UBR1: variants seen among roughly 807,000 people sequenced by gnomAD.
The protein encoded by UBR1 is ubiquitin protein ligase E3 component n-recognin 1.
In UBR1, 102 loss-of-function variants were observed where a neutral mutation model predicts 242.1. That is an observed-to-expected ratio of 0.42 (90% CI 0.36 to 0.50). The LOEUF (loss-of-function observed/expected upper bound fraction) is 0.50. UBR1 is among the 20% of genes least tolerant of loss of function. The pLI, the probability that UBR1 is intolerant of heterozygous loss-of-function variation, is 0.01. For synonymous variants in UBR1, 675 were observed against 684.8 expected (o/e 0.99, Z 0.22); for missense variants, 1,772 against 2,101.8 (o/e 0.84, Z 3.07).
intron 38 of UBR1, among the ~76,000 whole-genome samples, chr15:42,977,409 C>A (rs1316048889): frequency 1.3e-5 from 2 of 152,124 alleles, no homozygotes; most frequent in African/African-American, 4.8e-5. Context: ...GGAATGAGAT[C>A]ATCACAGGAA....
intron 22 of UBR1, 113 bp downstream of exon 22, chr15:43,027,663 A>G (rs1329008838): frequency 1.1e-6 from 1 of 907,138 alleles, no homozygotes; most frequent in Non-Finnish European, 1.8e-6. Context: ...TCTGTATTCC[A>G]CTCTTATTCT....
chr15:42,959,051 G>C (rs529001291), intron 43 of UBR1, among the ~76,000 whole-genome samples: 8 of 152,046 alleles, frequency 5.3e-5, no homozygotes, highest in Non-Finnish European at 1.0e-4. Context: ...GGCTGGTCTC[G>C]AACTCCTGAC....
intron 9 of UBR1, 103 bp downstream of exon 9, chr15:43,058,982 G>T: frequency 1.1e-6 from 1 of 908,988 alleles, no homozygotes; most frequent in Non-Finnish European, 1.8e-6. Flanking sequence ...CAAGATTACA[G>T]ATTTAATAAC....
Position 42,981,167 on chromosome 15 carries a change from C to T in UBR1, c.4150+2730G>A, listed in dbSNP as rs140845042. On this transcript the variant is annotated intron_variant, in intron 37 of 46. Transcript: ENST00000290650. Reference sequence around the variant, plus strand: ...AAGCTCAGAATACTATTGTCCACAACGTTTCAAAAAATTCCGATTACCTAA... The same window carrying T: ...AAGCTCAGAATACTATTGTCCACAATGTTTCAAAAAATTCCGATTACCTAA... Among the ~76,000 whole-genome samples, 8 of 152,200 alleles carry T rather than the reference C, an allele frequency of 5.3e-5. 2 individuals carry two copies. The South Asian group carries it at 1.2e-3, about 24-fold the overall frequency.
chr15:42,985,012 T>C (rs2032437987), intron 35 of UBR1, 70 bp from the exon 36 acceptor site: 1 of 1,145,976 alleles, frequency 8.7e-7, no homozygotes, highest in Non-Finnish European at 1.3e-6. Flanking sequence ...GTACTTTTTA[T>C]CAAATGTTCT....
intron 4 of UBR1, among the ~76,000 whole-genome samples, chr15:43,071,541 A>G (rs2033825226): frequency 6.6e-6 from 1 of 151,742 alleles, no homozygotes; most frequent in South Asian, 2.1e-4. Context: ...AACAATGTGA[A>G]TATACTTAAT....
intron 6 of UBR1, among the ~76,000 whole-genome samples, chr15:43,062,634 T>TG (rs1758017862): frequency 6.6e-6 from 1 of 152,228 alleles, no homozygotes; most frequent in Admixed American, 6.5e-5. Flanking sequence ...TGAATGGAGA[T>TG]GGGGTCTCAC....
At chr15:43,023,612 A>G (rs1322435445) in intron 25 of UBR1, among the ~76,000 whole-genome samples, 1 of 150,992 alleles carries the variant, frequency 6.6e-6, no homozygotes, top group Non-Finnish European at 1.5e-5. Context: ...AAAAAAAAAA[A>G]AAAAAAAAAA....
intron 21 of UBR1, 76 bp downstream of exon 21, chr15:43,029,868 G>A (rs1266126706): frequency 6.3e-7 from 1 of 1,578,372 alleles, no homozygotes; most frequent in Non-Finnish European, 8.7e-7. Context: ...AAATTTTGAA[G>A]TAGTTTCCAA....
At chr15:43,026,244 CA>C in intron 23 of UBR1, 2 of 271,378 alleles carry the variant, frequency 7.4e-6, no homozygotes, top group South Asian at 8.1e-5. Context: ...AAAACAAAAA[CA>C]AAAACAAAAA....
At chr15:42,988,473 C>CAAG (rs1424092714) in intron 35 of UBR1, 2 of 278,010 alleles carry the variant, frequency 7.2e-6, no homozygotes, top group Non-Finnish European at 1.4e-5. Flanking sequence ...TTTTTGTAGA[C>CAAG]AATCTTGCTG....
At chr15:42,964,503 C>T (rs768203305) in intron 41 of UBR1, among the ~76,000 whole-genome samples, 4 of 151,704 alleles carry the variant, frequency 2.6e-5, no homozygotes, top group Admixed American at 6.6e-5. Flanking sequence ...ACAAACAAAA[C>T]CCATGGGTGG....
intron 21 of UBR1, among the ~76,000 whole-genome samples, chr15:43,028,069 A>G (rs2033200244): frequency 6.6e-6 from 1 of 152,216 alleles, no homozygotes; most frequent in Admixed American, 6.5e-5. Context: ...TTGCCTTCAT[A>G]TGTGTGTATA....
intron 1 of UBR1, among the ~76,000 whole-genome samples, chr15:43,087,838 TA>T (rs1259976692): frequency 1.3e-5 from 2 of 151,940 alleles, no homozygotes; most frequent in African/African-American, 4.8e-5. Context: ...TGGGACATTA[TA>T]AAAAAGGAGA....
intron 12 of UBR1, among the ~76,000 whole-genome samples, chr15:43,049,260 A>G (rs2033522945): frequency 6.6e-6 from 1 of 152,234 alleles, no homozygotes; most frequent in Non-Finnish European, 1.5e-5. Flanking sequence ...ATTCAATGTT[A>G]AACACTAAAA....
intron 1 of UBR1, among the ~76,000 whole-genome samples, chr15:43,103,818 TA>T (rs2034266204): frequency 6.6e-6 from 1 of 151,948 alleles, no homozygotes; most frequent in South Asian, 2.1e-4. Context: ...CAATAAGGAG[TA>T]GGGGGAACAA....
intron 3 of UBR1, among the ~76,000 whole-genome samples, chr15:43,077,683 T>TA (rs1183966727): frequency 6.3e-4 from 87 of 137,668 alleles, no homozygotes; most frequent in African/African-American, 2.3e-3. Context: ...AAAATAAAAA[T>TA]AAAAATAAAA....
rs1251884046 is a variant in UBR1 at position 43,048,398 on chromosome 15, A to G, written c.1533T>C (p.Cys511=). ...TACAGAAAAATGATCATACCTGCAT[A>G]CAGGTAAGAATCTTCAAAAAAGATC... The part of the protein sequence containing the change: ...GFRSFLKILT[C]MQGMEEIRRQ... The change falls in exon 13 of 47, where the codon TGT becomes TGC. Residue 511 remains cysteine, a synonymous_variant. Coordinates refer to ENST00000290650, the MANE Select transcript of UBR1 (RefSeq NM_174916.3). The G allele has an allele frequency of 1.2e-6, 2 of 1,603,966 alleles. No individual in the cohort carries two copies. Among genetic ancestry groups the G allele is most frequent in the Non-Finnish European group, 1.7e-6 (2 of 1,171,578 alleles).
At chr15:43,070,471 C>T (rs1418042731) in intron 5 of UBR1, among the ~76,000 whole-genome samples, 1 of 152,098 alleles carries the variant, frequency 6.6e-6, no homozygotes, top group Non-Finnish European at 1.5e-5. Context: ...AGGCCAGGAT[C>T]AAAGTGGGCA....
Sources: allele counts gnomAD v4.1 joint callset (sites outside exome capture counted in the v4.1 genomes callset), GRCh38; gene constraint gnomAD v4.1.1; transcripts MANE v1.5; gene names NCBI Gene and HGNC (gene_info 2026-07-23, HGNC 2026-07-21).